The following MTDH variants were observed in gnomAD, a reference collection of about 807,000 sequenced individuals.
The protein encoded by MTDH is metadherin, also known as protein LYRIC.
In MTDH, 34 loss-of-function variants were observed where a neutral mutation model predicts 72.7. That is an observed-to-expected ratio of 0.47 (90% confidence interval 0.36 to 0.62). The LOEUF (loss-of-function observed/expected upper bound fraction) is 0.62, where lower values mean the gene tolerates loss of function less well. Ranked by LOEUF, MTDH falls within the 20% of genes least tolerant of loss-of-function variation. The pLI is 0.00. For missense variants in MTDH, 677 were observed against 699.4 expected, an observed-to-expected ratio of 0.97 and a Z score of 0.36; for synonymous variants, 266 against 268.9, an observed-to-expected ratio of 0.99 and a Z score of 0.10.
chr8:97,682,253 TATATATATATATATATATATATATATA>T (rs1368867958), intron 2 of MTDH, among the ~76,000 whole-genome samples: 27 of 6,664 alleles, frequency 4.1e-3, no homozygotes, highest in East Asian at 0.017. Flanking sequence ...TATATATATA[TATATATATATATATATATATATATATA>T]TTTTTTTTTT....
At chr8:97,656,115 G>A (rs1811960409) in intron 1 of MTDH, among the ~76,000 whole-genome samples, 1 of 152,034 alleles carries the variant, frequency 6.6e-6, no homozygotes, top group African/African-American at 2.4e-5. Flanking sequence ...TTTGAATCAT[G>A]ATCTTTACAT....
In MTDH at chr8:97,699,449, A is replaced by G. The variant is rs984937146; in HGVS notation, c.1049-305A>G. Among the ~76,000 whole-genome samples the G allele has an allele frequency of 4.6e-5, 7 of 151,974 alleles. No homozygotes were observed. In the East Asian group the frequency reaches 1.3e-3, roughly 29 times the overall value. On this transcript the variant is annotated intron_variant, in intron 6 of 11. Coordinates refer to ENST00000336273, the MANE Select transcript of MTDH (RefSeq NM_178812.4). ...GAGATCCTGTCTCAAAAAAAAAAAA[A>G]GAGAGAAATTTATAGGTAACTTACC...
At position 97,728,895 on chromosome 8, in the gene MTDH, T is replaced by A. The variant is rs1815454182; in HGVS notation, c.*4225T>A. The A allele has an allele frequency of 6.6e-6, 1 of 150,642 alleles. No homozygotes were observed. Among genetic ancestry groups the A allele is most frequent in the Admixed American group, 6.6e-5 (1 of 15,064 alleles). The allele number at this position is 150,642 out of a possible 1,614,324, so 9.3% of individuals were successfully genotyped here. A position where few individuals can be genotyped will look rare whatever the true frequency, so the allele number is the denominator to read the frequency against. ...TTCTTTCTATATTGTTCCTCCCCAT[T>A]CTCAACCTGTAGCTTTTTTTTTTTT... On this transcript the variant is annotated 3_prime_UTR_variant, in exon 12 of 12. Transcript: ENST00000336273.
At position 97,724,591 on chromosome 8, in the gene MTDH, C is replaced by G. The variant is rs779120399; in HGVS notation, c.1679-9C>G. 6.3e-7 allele frequency: 1 copy of G among 1,575,534 alleles called. No individual in the cohort carries two copies. Among genetic ancestry groups the G allele is most frequent in the Non-Finnish European group, 8.6e-7 (1 of 1,168,510 alleles). ...TTTTTTTCTTCGTTTTCCCCCTTTTCTTTTTTAGCCAAGTCTGAAACTAGC... is the reference window on the plus strand; with the variant it reads ...TTTTTTTCTTCGTTTTCCCCCTTTTGTTTTTTAGCCAAGTCTGAAACTAGC... On this transcript the variant is annotated splice_polypyrimidine_tract_variant and intron_variant, in intron 11 of 11. Coordinates refer to ENST00000336273, the MANE Select transcript of MTDH (RefSeq NM_178812.4).
chr8:97,662,752 C>G (rs188536465), intron 2 of MTDH, among the ~76,000 whole-genome samples: 145 of 151,214 alleles, frequency 9.6e-4, no homozygotes, highest in African/African-American at 3.0e-3. Context: ...CGCCACTGCA[C>G]TCTAGCCAGG....
intron 2 of MTDH, among the ~76,000 whole-genome samples, chr8:97,686,279 G>T (rs893029727): frequency 1.3e-5 from 2 of 152,186 alleles, no homozygotes; most frequent in African/African-American, 2.4e-5. Flanking sequence ...TTAGCATGAT[G>T]TGGAAGGGCA....
At chr8:97,686,892 C>T in intron 3 of MTDH, 140 bp downstream of exon 3, 1 of 403,634 alleles carries the variant, frequency 2.5e-6, no homozygotes, top group East Asian at 4.6e-5. Flanking sequence ...ATATATAGAG[C>T]TGTGACACTG....
intron 2 of MTDH, among the ~76,000 whole-genome samples, chr8:97,684,858 G>A (rs1298660841): frequency 1.3e-5 from 2 of 152,162 alleles, no homozygotes; most frequent in Non-Finnish European, 2.9e-5. Flanking sequence ...TTAAGGTCAG[G>A]AGTTCGAGAC....
chr8:97,699,938 A>C, intron 7 of MTDH, 86 bp downstream of exon 7: 1 of 840,308 alleles, frequency 1.2e-6, no homozygotes, highest in South Asian at 1.7e-5. Flanking sequence ...TTTAATTTTA[A>C]TTCTAATTTC....
chr8:97,679,703 T>C (rs1812993339), intron 2 of MTDH, among the ~76,000 whole-genome samples: 1 of 152,238 alleles, frequency 6.6e-6, no homozygotes, highest in Admixed American at 6.5e-5. Context: ...TGTAGTAGAA[T>C]GTGTATAAAA....
rs557270991 is a variant in MTDH, at chr8:97,719,279, G to T, written c.1521+90G>T. ...AGAGGCCAAGGTGGGCAGGTCATGAGGTCAGGAGTTCAAGAGCAGCCTGGC... is the reference window on the plus strand; with the variant it reads ...AGAGGCCAAGGTGGGCAGGTCATGATGTCAGGAGTTCAAGAGCAGCCTGGC... On this transcript the variant is annotated intron_variant, in intron 10 of 11. Coordinates refer to ENST00000336273, the MANE Select transcript of MTDH (RefSeq NM_178812.4). 85 of 1,363,526 alleles carry T rather than the reference G, an allele frequency of 6.2e-5. 1 individual carries two copies. The Middle Eastern group carries it at 1.5e-3, about 25-fold the overall frequency. 84.5% of individuals were successfully genotyped at this position (1,363,526 alleles called of 1,614,324 possible).
At chr8:97,674,680 G>A (rs1184398871) in intron 2 of MTDH, among the ~76,000 whole-genome samples, 1 of 152,172 alleles carries the variant, frequency 6.6e-6, no homozygotes, top group Non-Finnish European at 1.5e-5. Context: ...AAATGAAAAT[G>A]TTGACACAAT....
chr8:97,652,008 A>G (rs983799831), intron 1 of MTDH, among the ~76,000 whole-genome samples: 3 of 152,134 alleles, frequency 2.0e-5, no homozygotes, highest in Non-Finnish European at 4.4e-5. Flanking sequence ...TCAGCAAAGT[A>G]CCATCAATTT....
intron 8 of MTDH, among the ~76,000 whole-genome samples, chr8:97,709,763 A>AG (rs1814544833): frequency 6.6e-6 from 1 of 152,216 alleles, no homozygotes; most frequent in Non-Finnish European, 1.5e-5. Context: ...GGTTACCATT[A>AG]GGAAGGTACT....
chr8:97,703,369 T>C (rs1436182135), intron 7 of MTDH, among the ~76,000 whole-genome samples: 2 of 152,132 alleles, frequency 1.3e-5, no homozygotes, highest in African/African-American at 4.8e-5. Flanking sequence ...AAAAATACTT[T>C]TACTAAGCAT....
chr8:97,712,339 G>T (rs1337815966), intron 8 of MTDH, among the ~76,000 whole-genome samples: 2 of 152,014 alleles, frequency 1.3e-5, no homozygotes, highest in Non-Finnish European at 2.9e-5. Context: ...TCCTGGCCTT[G>T]GTATGTTTTG....
intron 2 of MTDH, among the ~76,000 whole-genome samples, chr8:97,682,875 A>G (rs1813192580): frequency 6.6e-6 from 1 of 151,914 alleles, no homozygotes; most frequent in African/African-American, 2.4e-5. Flanking sequence ...CGGGTGGGGA[A>G]CAGGGTTTAG....
Position 97,727,929 on chromosome 8 carries a change from G to A in MTDH, c.*3259G>A, listed in dbSNP as rs1815421909. 1 of 152,064 alleles carries A rather than the reference G, an allele frequency of 6.6e-6. No individual in the cohort carries two copies. The highest frequency in any genetic ancestry group is 2.4e-5 in the African/African-American group (1 of 41,410). 9.4% of individuals were successfully genotyped at this position (152,064 alleles called of 1,614,324 possible). A position where few individuals can be genotyped will look rare whatever the true frequency, so the allele number is the denominator to read the frequency against. On this transcript the variant is annotated 3_prime_UTR_variant, in exon 12 of 12. Transcript: ENST00000336273. ...ATGTAATTTACCATGTTTACTTTAT[G>A]CATGCATTTTATTGGGGAGGGGAGG...
chr8:97,721,191 C>T (rs1815107280), intron 10 of MTDH, among the ~76,000 whole-genome samples: 1 of 152,062 alleles, frequency 6.6e-6, no homozygotes, highest in Admixed American at 6.6e-5. Context: ...CCTGTAATCC[C>T]AGCACTTTGG....
Sources: allele counts gnomAD v4.1 joint callset (sites outside exome capture counted in the v4.1 genomes callset), GRCh38; gene constraint gnomAD v4.1.1; transcripts MANE v1.5; gene names NCBI Gene and HGNC (gene_info 2026-07-23, HGNC 2026-07-21).